Variants in QSER1 observed in about 807,000 individuals in gnomAD.
The protein encoded by QSER1 is glutamine and serine rich 1.
QSER1 carries 49 observed loss-of-function variants against 158.5 expected under a neutral mutation model. That is an observed-to-expected ratio of 0.31 (90% CI 0.25 to 0.39). The LOEUF is 0.39. QSER1 is among the 10% of genes least tolerant of loss of function. QSER1 has a pLI of 1.00. For synonymous variants in QSER1, 650 were observed against 715.5 expected (o/e 0.91, Z 1.46); for missense variants, 1,754 against 2,010.3 (o/e 0.87, Z 2.44).
intron 4 of QSER1, among the ~76,000 whole-genome samples, chr11:32,936,733 C>A (rs1852158192): frequency 6.6e-6 from 1 of 152,196 alleles, no homozygotes; most frequent in Admixed American, 6.5e-5. Flanking sequence ...TCTTTCTCAG[C>A]TCTTTAGGAT....
chr11:32,953,878 C>T lies in QSER1; in HGVS notation c.4199C>T (p.Thr1400Ile). The T allele has an allele frequency of 6.2e-7, 1 of 1,613,168 alleles. No homozygotes were observed. The highest frequency in any genetic ancestry group is 8.5e-7 in the Non-Finnish European group (1 of 1,179,380). Residue 1400 changes from threonine to isoleucine, a missense_variant, in exon 5 of 13, where the codon ACT becomes ATT. Physicochemically the swap from Thr to Ile is moderately conservative, Grantham distance 89. This residue lies in a region of QSER1 where 1,707 missense variants were observed against 1,919.6 expected (regional missense o/e 0.89). Transcript: ENST00000650167. The part of the protein sequence containing the change: ...KKTEALQVAT[T>I]SPTANTTGTA... ...TCAGAAGCCCTACAGGTGGCAACTA[C>T]TAGCCCAACTGCCAATACTACTGGT... is the stretch of plus-strand genomic sequence containing the variant.
intron 7 of QSER1, among the ~76,000 whole-genome samples, chr11:32,957,290 C>T (rs1040598714): frequency 3.3e-5 from 5 of 151,488 alleles, no homozygotes; most frequent in African/African-American, 9.7e-5. Context: ...TACAGGCGCC[C>T]GCCACCACTC....
At chr11:32,902,652 C>T (rs1851639912) in intron 1 of QSER1, among the ~76,000 whole-genome samples, 1 of 152,190 alleles carries the variant, frequency 6.6e-6, no homozygotes, top group Middle Eastern at 3.4e-3. Context: ...TCTGACTGGA[C>T]ATGTGTATAG....
At chr11:32,922,589 G>T (rs1407543290) in intron 1 of QSER1, among the ~76,000 whole-genome samples, 1 of 148,664 alleles carries the variant, frequency 6.7e-6, no homozygotes, top group African/African-American at 2.5e-5. Flanking sequence ...GGTTCAATTG[G>T]TTTTCATGCC....
chr11:32,975,390 A>G, intron 12 of QSER1, 47 bp downstream of exon 12: 1 of 1,598,996 alleles, frequency 6.3e-7, no homozygotes, highest in Non-Finnish European at 8.5e-7. Context: ...CAGAATGTTA[A>G]GGAGACTCTA....
At chr11:32,924,870 G>A (rs1043052945) in intron 1 of QSER1, among the ~76,000 whole-genome samples, 1 of 152,126 alleles carries the variant, frequency 6.6e-6, no homozygotes, top group Non-Finnish European at 1.5e-5. Context: ...TTGTTTTCCA[G>A]TCCTTACCCC....
rs907261959 is a variant in QSER1, at chr11:32,931,797, C to G, written c.539C>G (p.Thr180Ser). 1.2e-5 allele frequency: 19 copies of G among 1,613,584 alleles called. No homozygotes were observed. The highest frequency in any genetic ancestry group is 1.5e-5 in the Non-Finnish European group (18 of 1,179,782). ...TTTGCTACTGGACCTTTGCCAAGCA[C>G]TGGAACACTTCCACCATCTCTCTCT... ...ELFATGPLPS[T>S]GTLPPSLSAY... Residue 180 changes from threonine (T) to serine (S), a missense_variant, in exon 4 of 13, where the codon ACT (threonine) becomes AGT (serine). Thr to Ser is a moderately conservative substitution (Grantham distance 58). Coordinates refer to ENST00000650167, the MANE Select transcript of QSER1 (RefSeq NM_001076786.3).
At chr11:32,975,058 G>T (rs943652143) in intron 11 of QSER1, among the ~76,000 whole-genome samples, 190 bp from the exon 12 acceptor site, 5 of 152,022 alleles carry the variant, frequency 3.3e-5, no homozygotes, top group African/African-American at 1.2e-4. Flanking sequence ...GCAGGATAAA[G>T]AATAAGATTT....
chr11:32,924,960 A>G (rs1349280923), intron 1 of QSER1, among the ~76,000 whole-genome samples: 1 of 152,122 alleles, frequency 6.6e-6, no homozygotes, highest in Admixed American at 6.5e-5. Flanking sequence ...GCTCCCACTT[A>G]TTAATGAGAA....
Position 32,897,475 on chromosome 11 carries a change from C to A in QSER1, c.209+4141C>A, listed in dbSNP as rs1010261896. On this transcript the variant is annotated intron_variant, in intron 1 of 12. Transcript: ENST00000650167. Reference sequence around the variant, plus strand: ...CGTTGACCATTACCTAGTTGAAATACATTCCTTTTCACTTCCATAGCACTG... The same window carrying A: ...CGTTGACCATTACCTAGTTGAAATAAATTCCTTTTCACTTCCATAGCACTG... Among the ~76,000 whole-genome samples, 11 of 152,294 alleles carry A rather than the reference C, an allele frequency of 7.2e-5. No homozygotes were observed. In the East Asian group the frequency reaches 7.7e-4, roughly 11 times the overall value.
At chr11:32,966,930 A>G (rs1243652122) in intron 9 of QSER1, among the ~76,000 whole-genome samples, 1 of 152,196 alleles carries the variant, frequency 6.6e-6, no homozygotes, top group Non-Finnish European at 1.5e-5. Flanking sequence ...CCTTTTAGTT[A>G]TTTGAGAAAT....
chr11:32,928,637 A>ACAAG (rs1459900595), intron 3 of QSER1, among the ~76,000 whole-genome samples: 1 of 151,920 alleles, frequency 6.6e-6, no homozygotes. Context: ...CATTTTTCTT[A>ACAAG]TTTTACTTTT....
At chr11:32,898,499 C>CAA (rs1851584554) in intron 1 of QSER1, among the ~76,000 whole-genome samples, 1 of 145,740 alleles carries the variant, frequency 6.9e-6, no homozygotes, top group African/African-American at 2.7e-5. Flanking sequence ...CACACACACA[C>CAA]ACACACACAC....
At chr11:32,894,026 T>G (rs1369854320) in intron 1 of QSER1, among the ~76,000 whole-genome samples, 2 of 152,122 alleles carry the variant, frequency 1.3e-5, no homozygotes, top group Non-Finnish European at 2.9e-5. Flanking sequence ...TAAGGAATCT[T>G]TCTTTGCCTT....
intron 4 of QSER1, among the ~76,000 whole-genome samples, chr11:32,939,973 A>G (rs1467725248): frequency 4.5e-4 from 41 of 90,160 alleles, no homozygotes; most frequent in Non-Finnish European, 1.3e-4. Context: ...TTTTTTTGAG[A>G]TTTATCTTCC....
intron 4 of QSER1, among the ~76,000 whole-genome samples, chr11:32,939,095 T>A (rs1489063873): frequency 1.3e-5 from 2 of 152,236 alleles, no homozygotes; most frequent in East Asian, 3.8e-4. Flanking sequence ...TGAATCTGTA[T>A]CAAGTAATTT....
intron 1 of QSER1, among the ~76,000 whole-genome samples, chr11:32,916,511 T>C (rs539972452): frequency 5.3e-5 from 8 of 152,292 alleles, no homozygotes; most frequent in Non-Finnish European, 7.4e-5. Context: ...TAGGTAATTA[T>C]ATCACTGTGC....
rs770086977 is a variant in QSER1, at chr11:32,969,034, ATGT to A, written c.5108-7_5108-5del. On this transcript the variant is annotated splice_polypyrimidine_tract_variant and intron_variant, in intron 9 of 12. Transcript: ENST00000650167. Reference sequence around the variant, plus strand: ...TGATAGTTTATCCTGTTAAATTATAATGTTGTTTCAGATGAGCTACTTTTACCT... The same window carrying A: ...TGATAGTTTATCCTGTTAAATTATAATGTTTCAGATGAGCTACTTTTACCT... 1.4e-6 allele frequency: 2 copies of A among 1,399,858 alleles called. No homozygotes were observed. The highest frequency in any genetic ancestry group is 1.3e-5 in the South Asian group (1 of 76,764). 86.7% of individuals were successfully genotyped at this position (1,399,858 alleles called of 1,614,324 possible).
chr11:32,915,520 A>G (rs1851820066), intron 1 of QSER1, among the ~76,000 whole-genome samples: 1 of 152,214 alleles, frequency 6.6e-6, no homozygotes, highest in Admixed American at 6.5e-5. Flanking sequence ...ATGCTGGGCC[A>G]CAGTAGGTCC....
Sources: allele counts gnomAD v4.1 joint callset (sites outside exome capture counted in the v4.1 genomes callset), GRCh38; gene constraint gnomAD v4.1.1; regional missense constraint gnomAD v4.1.1; transcripts MANE v1.5; gene names NCBI Gene and HGNC (gene_info 2026-07-23, HGNC 2026-07-21).